Variants in TMEM232 observed in about 807,000 individuals in gnomAD.
TMEM232 encodes the protein transmembrane protein 232.
Under a neutral mutation model 78.8 loss-of-function variants are expected in TMEM232, and 80 were observed. The observed-to-expected ratio is 1.01, with a 90% confidence interval of 0.85 to 1.22. TMEM232 has a LOEUF of 1.22. Among genes scored for constraint, TMEM232 ranks in the 50% most tolerant of loss-of-function variants. The pLI is 0.00. For synonymous variants in TMEM232, 297 were observed against 254.3 expected (o/e 1.17, Z -1.60); for missense variants, 881 against 742.2 (o/e 1.19, Z -2.17).
At chr5:110,662,175 T>C (rs1789889815) in intron 2 of TMEM232, among the ~76,000 whole-genome samples, 1 of 152,136 alleles carries the variant, frequency 6.6e-6, no homozygotes, top group South Asian at 2.1e-4. Flanking sequence ...AACTTCTCTT[T>C]TCTGGTAAAA....
intron 1 of TMEM232, among the ~76,000 whole-genome samples, chr5:110,689,250 T>G (rs898607279): frequency 6.6e-5 from 10 of 152,134 alleles, no homozygotes; most frequent in African/African-American, 2.4e-4. Flanking sequence ...GAGGAAATAT[T>G]CAACCAATCA....
chr5:110,577,812 C>T (rs1028049890), intron 10 of TMEM232, among the ~76,000 whole-genome samples: 1 of 151,818 alleles, frequency 6.6e-6, no homozygotes, highest in Non-Finnish European at 1.5e-5. Flanking sequence ...TAAGTGGGAG[C>T]TAAATGATGA....
chr5:110,637,634 T>G (rs1786045799), intron 5 of TMEM232, among the ~76,000 whole-genome samples: 1 of 152,006 alleles, frequency 6.6e-6, no homozygotes, highest in Non-Finnish European at 1.5e-5. Flanking sequence ...TTTCTTTCTT[T>G]GCAGTAAAAC....
chr5:110,489,179 C>T (rs762466787), intron 12 of TMEM232, among the ~76,000 whole-genome samples: 6 of 151,708 alleles, frequency 4.0e-5, no homozygotes, highest in Admixed American at 2.6e-4. Flanking sequence ...TTCTATGAGG[C>T]TAGTATTTTC....
At chr5:110,593,558 T>G (rs139725196) in intron 10 of TMEM232, among the ~76,000 whole-genome samples, 97 of 152,228 alleles carry the variant, frequency 6.4e-4, no homozygotes, top group Non-Finnish European at 1.2e-3. Context: ...TTAAATGAAA[T>G]AAGCCAGGCA....
At chr5:110,595,864 C>A (rs1204717862) in intron 10 of TMEM232, among the ~76,000 whole-genome samples, 1 of 152,092 alleles carries the variant, frequency 6.6e-6, no homozygotes, top group Non-Finnish European at 1.5e-5. Context: ...AGGATATTAT[C>A]CGGAAGAACT....
chr5:110,482,512 C>T (rs1422905922), intron 12 of TMEM232, among the ~76,000 whole-genome samples: 1 of 151,424 alleles, frequency 6.6e-6, no homozygotes, highest in Non-Finnish European at 1.5e-5. Context: ...ACCCAGGAGG[C>T]GGATGTTGCA....
At chr5:110,429,798 C>CT (rs1757630706) in intron 12 of TMEM232, 1 of 151,714 alleles carries the variant, frequency 6.6e-6, no homozygotes, top group South Asian at 2.1e-4. Flanking sequence ...ATTTAGTCTC[C>CT]TTTTTGAGAT....
At chr5:110,669,949 T>G (rs1055513825) in intron 1 of TMEM232, among the ~76,000 whole-genome samples, 43 of 152,148 alleles carry the variant, frequency 2.8e-4, no homozygotes, top group Admixed American at 1.0e-3. Flanking sequence ...TGCTAAAAAC[T>G]CTCAATAAAT....
chr5:110,645,307 G>A (rs763241934), intron 2 of TMEM232, among the ~76,000 whole-genome samples: 13 of 151,508 alleles, frequency 8.6e-5, no homozygotes, highest in East Asian at 1.9e-4. Context: ...CCTAGTGAAC[G>A]TCAATGCAAA....
rs571475433 is a variant in TMEM232 at position 110,489,003 on chromosome 5, G to A, written c.1703+39585C>T. ...AACCAAAAACTAGAGAAAATGACAC[G>A]AAAAGAAATAGAAAACCTGAATAGA... On this transcript the variant is annotated intron_variant, in intron 12 of 13. Coordinates refer to ENST00000455884, the MANE Select transcript of TMEM232 (RefSeq NM_001039763.4). Among the ~76,000 whole-genome samples the A allele has an allele frequency of 7.3e-4, 111 of 151,702 alleles. 1 individual carries two copies. The highest frequency in any genetic ancestry group is 2.5e-3 in the African/African-American group (103 of 41,444).
chr5:110,455,167 T>C (rs1760760210), intron 12 of TMEM232, among the ~76,000 whole-genome samples: 1 of 152,046 alleles, frequency 6.6e-6, no homozygotes, highest in South Asian at 2.1e-4. Flanking sequence ...GTTAAATCCT[T>C]CCAAGAAAAA....
intron 12 of TMEM232, among the ~76,000 whole-genome samples, chr5:110,520,864 G>C (rs1416629958): frequency 2.0e-5 from 3 of 152,164 alleles, no homozygotes; most frequent in African/African-American, 7.2e-5. Flanking sequence ...GTTGTGGTAA[G>C]CCAAGATCGC....
chr5:110,617,549 A>T (rs1783097608), intron 8 of TMEM232, among the ~76,000 whole-genome samples: 1 of 152,150 alleles, frequency 6.6e-6, no homozygotes, highest in African/African-American at 2.4e-5. Context: ...TACAATTATT[A>T]TCTGTCAATT....
At chr5:110,532,563 C>T (rs938811807) in intron 11 of TMEM232, among the ~76,000 whole-genome samples, 11 of 151,946 alleles carry the variant, frequency 7.2e-5, no homozygotes, top group Admixed American at 3.3e-4. Flanking sequence ...CTTTTAAGCA[C>T]TCCTTTTTAG....
intron 2 of TMEM232, among the ~76,000 whole-genome samples, chr5:110,408,883 A>G (rs1222028494): frequency 6.6e-6 from 1 of 152,170 alleles, no homozygotes; most frequent in Non-Finnish European, 1.5e-5. Context: ...TCACAGGTGG[A>G]GGATGAGAGC....
At chr5:110,406,060 A>G (rs1348987592) in intron 2 of TMEM232, among the ~76,000 whole-genome samples, 4 of 152,094 alleles carry the variant, frequency 2.6e-5, no homozygotes, top group Non-Finnish European at 2.9e-5. Flanking sequence ...AAACAGCTAC[A>G]GGAATTATGA....
intron 4 of TMEM232, 30 bp downstream of exon 4, chr5:110,640,861 G>C (rs1786585076): frequency 7.0e-7 from 1 of 1,423,020 alleles, no homozygotes; most frequent in Admixed American, 2.3e-5. Flanking sequence ...AAAATACTTA[G>C]GATGCCTAAT....
intron 11 of TMEM232, among the ~76,000 whole-genome samples, chr5:110,544,487 C>T (rs1030000979): frequency 3.4e-5 from 5 of 147,050 alleles, no homozygotes; most frequent in African/African-American, 5.0e-5. Context: ...AATTTACCAC[C>T]AATAATTAGA....
Sources: allele counts gnomAD v4.1 joint callset (sites outside exome capture counted in the v4.1 genomes callset), GRCh38; gene constraint gnomAD v4.1.1; transcripts MANE v1.5; gene names NCBI Gene and HGNC (gene_info 2026-07-23, HGNC 2026-07-21).